Variants in KCNJ14 observed in about 807,000 individuals in gnomAD.
The protein encoded by KCNJ14 is potassium inwardly rectifying channel subfamily J member 14.
Under a neutral mutation model 24.5 loss-of-function variants are expected in KCNJ14, and 18 were observed. The ratio of observed to expected loss-of-function variants is 0.74; its 90% CI spans 0.51 to 1.09. The LOEUF is 1.09. KCNJ14 is among the 50% of genes least tolerant of loss of function. The pLI is 0.00. For missense variants in KCNJ14, 633 were observed against 623.0 expected (o/e 1.02, Z -0.17); for synonymous variants, 288 against 270.8 (o/e 1.06, Z -0.63).
chr19:48,461,448 A>T (rs781015776), intron 1 of KCNJ14: 93 of 317,206 alleles, frequency 2.9e-4, no homozygotes, highest in Non-Finnish European at 3.9e-4. Flanking sequence ...GAATCGCTTA[A>T]ACTTGGGACG....
Position 48,462,113 on chromosome 19 carries a change from A to T in KCNJ14, c.389A>T (p.His130Leu). 1 of 1,599,902 alleles carries T rather than the reference A, an allele frequency of 6.3e-7. No individual in the cohort carries two copies. The highest frequency in any genetic ancestry group is 8.5e-7 in the Non-Finnish European group (1 of 1,174,706). The change falls in exon 2 of 3, where the codon CAC becomes CTC. Residue 130 changes from histidine to leucine, a missense_variant. Physicochemically the swap from His to Leu is moderately conservative, Grantham distance 99. Transcript: ENST00000342291. This position sits in a 1 kb window ranked among gnomAD's most constrained non-coding sequence, Gnocchi z 4.9. The stretch of plus-strand genomic sequence containing the variant: ...CCACCGCCCGCGCCCTGCTTCTCAC[A>T]CGTGGCCAGCTTCCTGGCCGCCTTC... ...APPPPAPCFS[H>L]VASFLAAFLF...
At position 48,461,762 on chromosome 19, in the gene KCNJ14, C is replaced by A; in HGVS notation, c.38C>A (p.Ala13Asp). 1 of 1,447,246 alleles carries A rather than the reference C, an allele frequency of 6.9e-7. No homozygotes were observed. The highest frequency in any genetic ancestry group is 9.1e-7 in the Non-Finnish European group (1 of 1,102,960). 89.7% of individuals were successfully genotyped at this position (1,447,246 alleles called of 1,614,324 possible). ...LARALRRLSG[A>D]LDSGDSRAGD... is the part of the protein sequence containing the mutation. ...AGGGCCCTACGCCGCCTCAGCGGCG[C>A]CCTGGATTCGGGAGACAGCCGGGCG... The change falls in exon 2 of 3, where the codon GCC becomes GAC. Residue 13 changes from alanine to aspartate, a missense_variant. Coordinates refer to ENST00000342291, the MANE Select transcript of KCNJ14 (RefSeq NM_013348.4).
rs1971655805 is a variant in KCNJ14 at position 48,466,476 on chromosome 19, A to G, written c.*1699A>G. On this transcript the variant is annotated 3_prime_UTR_variant, in exon 3 of 3. Coordinates refer to ENST00000342291, the MANE Select transcript of KCNJ14 (RefSeq NM_013348.4). The stretch of plus-strand genomic sequence containing the variant: ...TATTTTTTCCCTTGGTCCCTACAAC[A>G]GGCTTAGAGATGGAGTGCTAGCTAA... 1 of 152,180 alleles carries G rather than the reference A, an allele frequency of 6.6e-6. No individual in the cohort carries two copies. The highest frequency in any genetic ancestry group is 1.9e-4 in the East Asian group (1 of 5,198). 9.4% of individuals were successfully genotyped at this position (152,180 alleles called of 1,614,324 possible). A position where few individuals can be genotyped will look rare whatever the true frequency, so the allele number is the denominator to read the frequency against.
In KCNJ14 at chr19:48,462,251, T is replaced by A; in HGVS notation, c.527T>A (p.Leu176His). Reference protein sequence around the residue: ...VVLQCIAGCVLDAFVVGAVMA... With the variant: ...VVLQCIAGCVHDAFVVGAVMA... ...CTGCAGTGCATTGCCGGCTGCGTGC[T>A]CGACGCCTTCGTCGTGGGTGCTGTC... The change falls in exon 2 of 3, where the codon CTC (leucine) becomes CAC (histidine). Residue 176 changes from leucine to histidine, a missense_variant. Physicochemically the swap from Leu to His is moderately conservative, Grantham distance 99 (BLOSUM62 -3). Transcript: ENST00000342291. This position sits in a 1 kb window ranked among gnomAD's most constrained non-coding sequence, Gnocchi z 4.9. 2 of 1,547,298 alleles carry A rather than the reference T, an allele frequency of 1.3e-6. No individual in the cohort carries two copies. Among genetic ancestry groups the A allele is most frequent in the Non-Finnish European group, 1.7e-6 (2 of 1,144,246 alleles).
rs1971634676 is a variant in KCNJ14, at chr19:48,464,434, G to C, written c.968G>C (p.Gly323Ala). ...TTQCRSSYLPGELLWGHRFEP... is the reference protein window; with the variant it reads ...TTQCRSSYLPAELLWGHRFEP... The stretch of plus-strand genomic sequence containing the variant: ...CAGTGTCGCTCGTCCTACCTCCCTG[G>C]TGAACTGCTCTGGGGCCATCGTTTT... Residue 323 changes from glycine (G) to alanine (A), a missense_variant, in exon 3 of 3, where the codon GGT becomes GCT. Gly to Ala is a moderately conservative substitution (Grantham distance 60). Coordinates refer to ENST00000342291, the MANE Select transcript of KCNJ14 (RefSeq NM_013348.4). 6.2e-7 allele frequency: 1 copy of C among 1,613,686 alleles called. No individual in the cohort carries two copies. Among genetic ancestry groups the C allele is most frequent in the Non-Finnish European group, 8.5e-7 (1 of 1,179,920 alleles).
rs1971642070 is a variant in KCNJ14, at chr19:48,464,989, AC to A, written c.*215del. 1 of 569,012 alleles carries A rather than the reference AC, an allele frequency of 1.8e-6. No homozygotes were observed. 35.2% of individuals were successfully genotyped at this position (569,012 alleles called of 1,614,324 possible). A position where few individuals can be genotyped will look rare whatever the true frequency, so the allele number is the denominator to read the frequency against. ...TCTGCTTCTGTGCTCCCTCCTGAGA[AC>A]CCTTTATGAGCCTGATTCCTCAGTC... On this transcript the variant is annotated 3_prime_UTR_variant, in exon 3 of 3. Coordinates refer to ENST00000342291, the MANE Select transcript of KCNJ14 (RefSeq NM_013348.4).
rs1971599075 is a variant in KCNJ14, at chr19:48,461,694, C to G, written c.-31C>G. On this transcript the variant is annotated 5_prime_UTR_variant, in exon 2 of 3. Coordinates refer to ENST00000342291, the MANE Select transcript of KCNJ14 (RefSeq NM_013348.4). The stretch of plus-strand genomic sequence containing the variant: ...GCAGGTTGGGGGCGCCTGCCCCCCA[C>G]TAGGCCAAGTGGAGGGGGTCCCTCC... 9 of 1,367,394 alleles carry G rather than the reference C, an allele frequency of 6.6e-6. No individual in the cohort carries two copies. In the South Asian group the frequency reaches 1.2e-4, roughly 18 times the overall value. 84.7% of individuals were successfully genotyped at this position (1,367,394 alleles called of 1,614,324 possible). A position where few individuals can be genotyped will look rare whatever the true frequency, so the allele number is the denominator to read the frequency against.
At chr19:48,458,025 A>G (rs563441211) in intron 1 of KCNJ14, among the ~76,000 whole-genome samples, 11 of 152,156 alleles carry the variant, frequency 7.2e-5, no homozygotes, top group Non-Finnish European at 1.5e-4. Flanking sequence ...TGTTGCATCT[A>G]TCGATACTTC....
At chr19:48,464,124 C>T (rs921112752) in intron 2 of KCNJ14, 57 bp from the exon 3 acceptor site, 26 of 1,169,384 alleles carry the variant, frequency 2.2e-5, no homozygotes, top group Admixed American at 1.5e-4. Flanking sequence ...TCTCTCACTT[C>T]GTCTCTGCCC....
chr19:48,461,899 T>C lies in KCNJ14; in HGVS notation c.175T>C (p.Cys59Arg). 1 of 1,603,888 alleles carries C rather than the reference T, an allele frequency of 6.2e-7. No homozygotes were observed. The highest frequency in any genetic ancestry group is 1.1e-5 in the South Asian group (1 of 89,978). Reference sequence around the variant, plus strand: ...TCGCTTCGTCAAGAAAGACGGGCACTGCAACGTGCGTTTCGTAAACCTGGG... The same window carrying C: ...TCGCTTCGTCAAGAAAGACGGGCACCGCAACGTGCGTTTCGTAAACCTGGG... Reference protein sequence around the residue: ...RGRFVKKDGHCNVRFVNLGGQ... With the variant: ...RGRFVKKDGHRNVRFVNLGGQ... Residue 59 changes from cysteine to arginine, a missense_variant, in exon 2 of 3, where the codon TGC becomes CGC. Cys to Arg is a radical substitution (Grantham distance 180). Transcript: ENST00000342291.
intron 1 of KCNJ14, among the ~76,000 whole-genome samples, chr19:48,458,015 T>G (rs1334119440): frequency 6.6e-6 from 1 of 152,208 alleles, no homozygotes; most frequent in East Asian, 1.9e-4. Context: ...TTATCCATGT[T>G]GTTGCATCTA....
intron 2 of KCNJ14, among the ~76,000 whole-genome samples, chr19:48,463,834 C>T (rs1322381830): frequency 6.6e-6 from 1 of 152,122 alleles, no homozygotes; most frequent in African/African-American, 2.4e-5. Context: ...CTGTCCCTCT[C>T]TCCTCTTCCC....
Position 48,462,494 on chromosome 19 carries a change from T to TGTAGGCCCG in KCNJ14, c.714+57_714+65dup. The TGTAGGCCCG allele has an allele frequency of 7.5e-7, 1 of 1,341,904 alleles. No individual in the cohort carries two copies. The highest frequency in any genetic ancestry group is 9.9e-7 in the Non-Finnish European group (1 of 1,010,894). 83.1% of individuals were successfully genotyped at this position (1,341,904 alleles called of 1,614,324 possible). ...GTGAGCCCTGGGGGATTGTGGGAGA[T>TGTAGGCCCG]GTAGGCCCGAGGGCGAGGGGCGTGC... On this transcript the variant is annotated intron_variant, in intron 2 of 2. Transcript: ENST00000342291. The surrounding 1 kb of genome is among the most constrained non-coding windows in gnomAD (Gnocchi z 4.9).
rs766377919 is a variant in KCNJ14, at chr19:48,464,462, GC to G, written c.998del (p.Pro333GlnfsTer53). 6.2e-7 allele frequency: 1 copy of G among 1,613,954 alleles called. No individual in the cohort carries two copies. The highest frequency in any genetic ancestry group is 1.1e-5 in the South Asian group (1 of 91,048). ...AACTGCTCTGGGGCCATCGTTTTGA[GC>G]CAGTTCTCTTCCAGCGTGGCTCCCA... ...GELLWGHRFE[P>X]VLFQRGSQYE... On this transcript the variant is annotated frameshift_variant, in exon 3 of 3. Coordinates refer to ENST00000342291, the MANE Select transcript of KCNJ14 (RefSeq NM_013348.4). LOFTEE classifies it high-confidence loss of function.
At position 48,462,375 on chromosome 19, in the gene KCNJ14, G is replaced by T; in HGVS notation, c.651G>T (p.Trp217Cys). 6.5e-7 allele frequency: 1 copy of T among 1,533,348 alleles called. No individual in the cohort carries two copies. The highest frequency in any genetic ancestry group is 8.8e-7 in the Non-Finnish European group (1 of 1,134,802). 95.0% of individuals were successfully genotyped at this position (1,533,348 alleles called of 1,614,324 possible). Residue 217 changes from tryptophan to cysteine, a missense_variant, in exon 2 of 3, where the codon TGG becomes TGT. By Grantham distance (215) the Trp-to-Cys change is radical. Coordinates refer to ENST00000342291, the MANE Select transcript of KCNJ14 (RefSeq NM_013348.4). This position sits in a 1 kb window ranked among gnomAD's most constrained non-coding sequence, Gnocchi z 4.9. Reference protein sequence around the residue: ...ALRDHRLCLMWRVGNLRRSHL... With the variant: ...ALRDHRLCLMCRVGNLRRSHL... ...GCGACCACCGCCTCTGCCTCATGTGGCGCGTCGGCAACCTGCGCCGCAGCC... is the reference window on the plus strand; with the variant it reads ...GCGACCACCGCCTCTGCCTCATGTGTCGCGTCGGCAACCTGCGCCGCAGCC...
At chr19:48,463,342 CACTT>C (rs1233503455) in intron 2 of KCNJ14, among the ~76,000 whole-genome samples, 6 of 152,136 alleles carry the variant, frequency 3.9e-5, no homozygotes, top group Admixed American at 2.0e-4. Flanking sequence ...CTTCCAGAGA[CACTT>C]ACAAGAGGAG....
At chr19:48,458,935 C>CA (rs34990679) in intron 1 of KCNJ14, among the ~76,000 whole-genome samples, 25,174 of 38,546 alleles carry the variant, frequency 0.65, 8,993 homozygotes, top group Admixed American at 0.71. Context: ...GACTCCGTCT[C>CA]AAAAAAAAAA....
intron 1 of KCNJ14, among the ~76,000 whole-genome samples, chr19:48,459,607 G>T (rs780002026): frequency 4.5e-4 from 68 of 152,018 alleles, no homozygotes; most frequent in Non-Finnish European, 9.1e-4. Flanking sequence ...TGTTGTCCAG[G>T]CTGGTCATGA....
chr19:48,461,048 C>T (rs3107911), intron 1 of KCNJ14, among the ~76,000 whole-genome samples: 110,185 of 151,840 alleles, frequency 0.73, 42,049 homozygotes, highest in Non-Finnish European at 0.85. Flanking sequence ...TGGCCAGGCG[C>T]GGTGGCTCAC....
Sources: gnomAD v4.1 joint callset for allele counts (sites outside exome capture counted in the v4.1 genomes callset) on GRCh38, gnomAD v4.1.1 for gene constraint, Gnocchi (gnomAD v3.1) non-coding constraint, MANE v1.5 for transcripts, NCBI Gene and HGNC (gene_info 2026-07-23, HGNC 2026-07-21) for gene names.